Variants in TRIM2 observed in about 807,000 individuals in gnomAD.
TRIM2 encodes tripartite motif containing 2.
A neutral mutation model predicts 75.2 loss-of-function variants in TRIM2; 20 were observed. That is an observed-to-expected ratio of 0.27 (90% CI 0.19 to 0.39). The LOEUF (loss-of-function observed/expected upper bound fraction) is 0.39. Among genes scored for constraint, TRIM2 ranks in the 10% least tolerant of loss-of-function variants. The pLI is 1.00. For synonymous variants in TRIM2, 373 were observed against 388.3 expected, an observed-to-expected ratio of 0.96 and a Z score of 0.46; for missense variants, 660 against 990.8, an observed-to-expected ratio of 0.67 and a Z score of 4.48.
chr4:153,320,767 G>A (rs1220123712), intron 8 of TRIM2, among the ~76,000 whole-genome samples: 3 of 152,094 alleles, frequency 2.0e-5, no homozygotes, highest in East Asian at 3.9e-4. Context: ...TGAGTAGCTG[G>A]AATTATAGGC....
Position 153,315,814 on chromosome 4 carries a change from A to G in TRIM2, c.1615-18A>G, listed in dbSNP as rs772350523. The G allele has an allele frequency of 1.2e-6, 2 of 1,614,086 alleles. No individual in the cohort carries two copies. The highest frequency in any genetic ancestry group is 1.7e-5 in the Admixed American group (1 of 60,004). ...CCTGTACTAGTTCACATTCCAATGA[A>G]TGTAATTTATCTTACAGATATTTTC... On this transcript the variant is annotated intron_variant, in intron 7 of 11. Transcript: ENST00000338700.
chr4:153,172,252 A>T (rs529751881), intron 1 of TRIM2, among the ~76,000 whole-genome samples: 3 of 151,870 alleles, frequency 2.0e-5, no homozygotes, highest in Non-Finnish European at 4.4e-5. Context: ...CAGTGGTGCT[A>T]TCTTGGCTCA....
At chr4:153,244,421 T>TTCTTCTTCC (rs1578901845) in intron 1 of TRIM2, among the ~76,000 whole-genome samples, 18 of 89,142 alleles carry the variant, frequency 2.0e-4, no homozygotes, top group Non-Finnish European at 2.8e-4. Context: ...CTTCTTCTTC[T>TTCTTCTTCC]TCTTCTTCTT....
intron 6 of TRIM2, among the ~76,000 whole-genome samples, chr4:153,309,410 A>G (rs1205244927): frequency 6.6e-6 from 1 of 152,206 alleles, no homozygotes; most frequent in Admixed American, 6.5e-5. Flanking sequence ...GAAAATGTAC[A>G]TGAAAGTGCT....
chr4:153,219,857 G>C (rs1486681658), intron 1 of TRIM2, among the ~76,000 whole-genome samples: 9 of 152,172 alleles, frequency 5.9e-5, no homozygotes, highest in Admixed American at 4.6e-4. Flanking sequence ...GACAGAGTCA[G>C]ATCCTGTCTC....
At chr4:153,276,200 A>G in intron 3 of TRIM2, 70 bp downstream of exon 3, 2 of 1,280,138 alleles carry the variant, frequency 1.6e-6, no homozygotes, top group Non-Finnish European at 2.3e-6. Context: ...CTTTGGGTAC[A>G]TCAGAGATTA....
chr4:153,215,760 G>T (rs1380764938), intron 1 of TRIM2, among the ~76,000 whole-genome samples: 1 of 151,980 alleles, frequency 6.6e-6, no homozygotes, highest in Non-Finnish European at 1.5e-5. Flanking sequence ...TTAAAAACAG[G>T]CATTGAAATC....
rs398051309 is a variant in TRIM2 at position 153,313,627 on chromosome 4, C to CT, written c.1511-1835dup. On this transcript the variant is annotated intron_variant, in intron 6 of 11. Transcript: ENST00000338700. ...GTCGAAAAACAAAATAGCAATGGCT[C>CT]TTTTTTTTTTTTTTTTTTTTTTTGA... Among the ~76,000 whole-genome samples the CT allele has an allele frequency of 9.5e-3, 933 of 98,416 alleles. 6 individuals carry two copies. The highest frequency in any genetic ancestry group is 0.013 in the East Asian group (49 of 3,736). 64.6% of individuals were successfully genotyped at this position (98,416 alleles called of 152,430 possible). A position where few individuals can be genotyped will look rare whatever the true frequency, so the allele number is the denominator to read the frequency against.
chr4:153,156,627 CT>C (rs1418227541), intron 1 of TRIM2: 1 of 152,162 alleles, frequency 6.6e-6, no homozygotes, highest in African/African-American at 2.4e-5. Flanking sequence ...TATATATAAG[CT>C]TATAAGCAGC....
chr4:153,217,728 C>G (rs945996442), intron 1 of TRIM2, among the ~76,000 whole-genome samples: 1 of 152,008 alleles, frequency 6.6e-6, no homozygotes, highest in Non-Finnish European at 1.5e-5. Context: ...CAGGGAGAGA[C>G]AGAGAATAAG....
intron 8 of TRIM2, among the ~76,000 whole-genome samples, chr4:153,320,922 G>A (rs1420577834): frequency 3.9e-5 from 6 of 152,300 alleles, no homozygotes; most frequent in Admixed American, 2.6e-4. Flanking sequence ...GTGAGCCACC[G>A]CGCCCGGCGA....
chr4:153,317,371 C>T (rs911687173), intron 8 of TRIM2, among the ~76,000 whole-genome samples: 3 of 151,522 alleles, frequency 2.0e-5, no homozygotes, highest in African/African-American at 7.3e-5. Context: ...CTATCTTGGC[C>T]AGGCGCAGTG....
At position 153,182,899 on chromosome 4, in the gene TRIM2, C is replaced by T. The variant is rs540357903; in HGVS notation, c.-49+29629C>T. Among the ~76,000 whole-genome samples, 43 of 152,294 alleles carry T rather than the reference C, an allele frequency of 2.8e-4. No homozygotes were observed. The South Asian group carries it at 8.5e-3, about 30-fold the overall frequency. ...ATGCCTTTTCCCTGGGACCCTCTAT[C>T]CCAATACCCCAGTTATTCCTTCAGA... On this transcript the variant is annotated intron_variant, in intron 1 of 11. Transcript: ENST00000437508.
At chr4:153,308,096 G>C in intron 6 of TRIM2, 1 of 867,382 alleles carries the variant, frequency 1.2e-6, no homozygotes, top group East Asian at 2.4e-5. Context: ...TCTGGAAGTG[G>C]GACATGCTCC....
At chr4:153,298,518 G>A (rs748725117) in intron 6 of TRIM2, among the ~76,000 whole-genome samples, 2 of 151,884 alleles carry the variant, frequency 1.3e-5, no homozygotes, top group Non-Finnish European at 2.9e-5. Context: ...TTAGGGCCCC[G>A]CTTTAACAGC....
chr4:153,328,554 A>C lies in TRIM2; in HGVS notation c.2047A>C (p.Met683Leu). 1 of 1,613,008 alleles carries C rather than the reference A, an allele frequency of 6.2e-7. No individual in the cohort carries two copies. The highest frequency in any genetic ancestry group is 8.5e-7 in the Non-Finnish European group (1 of 1,179,584). The change falls in exon 11 of 12, where the codon ATG becomes CTG. Residue 683 changes from methionine to leucine, a missense_variant. This residue lies in a region of TRIM2 where 620 missense variants were observed against 891.0 expected (regional missense o/e 0.70). Coordinates refer to ENST00000338700, the MANE Select transcript of TRIM2 (RefSeq NM_015271.5). ...GGTGTTTAATCAGGAAGGAGAATTC[A>C]TGTTGAAGTTTGGCTCAAATGGAGA... ...VKVFNQEGEFMLKFGSNGEGN... is the reference protein window; with the variant it reads ...VKVFNQEGEFLLKFGSNGEGN...
intron 2 of TRIM2, among the ~76,000 whole-genome samples, chr4:153,274,698 G>A (rs1757632953): frequency 6.6e-6 from 1 of 152,210 alleles, no homozygotes; most frequent in African/African-American, 2.4e-5. Context: ...AGACAGAGCA[G>A]ACAGGAGAAC....
chr4:153,337,781 C>A lies in TRIM2; in HGVS notation c.*2815C>A. The stretch of plus-strand genomic sequence containing the variant: ...TGTCAAGTGTATAGAACCTGTCATA[C>A]ATTCATGATAAGTAGCACTGAAAAA... On this transcript the variant is annotated 3_prime_UTR_variant, in exon 12 of 12. Coordinates refer to ENST00000338700, the MANE Select transcript of TRIM2 (RefSeq NM_015271.5). 1 of 985,822 alleles carries A rather than the reference C, an allele frequency of 1.0e-6. No homozygotes were observed. The highest frequency in any genetic ancestry group is 4.7e-5 in the South Asian group (1 of 21,284). 61.1% of individuals were successfully genotyped at this position (985,822 alleles called of 1,614,324 possible). A position where few individuals can be genotyped will look rare whatever the true frequency, so the allele number is the denominator to read the frequency against.
chr4:153,310,271 G>C (rs1765969299), intron 6 of TRIM2: 1 of 152,030 alleles, frequency 6.6e-6, no homozygotes, highest in African/African-American at 2.4e-5. Context: ...TATTTTATAA[G>C]TATTATATGT....
Sources: gnomAD v4.1 joint callset for allele counts (sites outside exome capture counted in the v4.1 genomes callset) on GRCh38, gnomAD v4.1.1 for gene constraint, gnomAD v4.1.1 regional missense constraint, MANE v1.5 for transcripts, NCBI Gene and HGNC (gene_info 2026-07-23, HGNC 2026-07-21) for gene names.